The following PCDHGA2 variants were observed in gnomAD, a reference collection of about 807,000 sequenced individuals.
PCDHGA2 encodes protocadherin gamma subfamily A, 2.
A neutral mutation model predicts 59.2 loss-of-function variants in PCDHGA2; 40 were observed. The ratio of observed to expected loss-of-function variants is 0.68; its 90% CI spans 0.52 to 0.88. PCDHGA2 has a LOEUF of 0.88. Among genes scored for constraint, PCDHGA2 ranks in the 40% least tolerant of loss-of-function variants. PCDHGA2 has a pLI of 0.00. For missense variants in PCDHGA2, 1,226 were observed against 1,204.0 expected, an observed-to-expected ratio of 1.02 and a Z score of -0.27; for synonymous variants, 560 against 526.0, an observed-to-expected ratio of 1.06 and a Z score of -0.89.
At chr5:141,409,964 G>A (rs1042730924) in intron 1 of PCDHGA2, 5 of 1,613,300 alleles carry the variant, frequency 3.1e-6, no homozygotes, top group East Asian at 2.2e-5. Flanking sequence ...CGGCTACCTA[G>A]TGACTAAGGT....
intron 1 of PCDHGA2, chr5:141,393,027 A>C (rs868285753): frequency 1.2e-6 from 2 of 1,613,818 alleles, no homozygotes; most frequent in Non-Finnish European, 1.7e-6. Flanking sequence ...CAGAGGTAGG[A>C]CGCAGCTCTT....
Position 141,511,229 on chromosome 5 carries a change from T to G in PCDHGA2, c.*56T>G. 6.3e-7 allele frequency: 1 copy of G among 1,598,500 alleles called. No homozygotes were observed. Among genetic ancestry groups the G allele is most frequent in the Non-Finnish European group, 8.5e-7 (1 of 1,172,476 alleles). On this transcript the variant is annotated 3_prime_UTR_variant, in exon 4 of 4. Transcript: ENST00000394576. ...GCCTCTCCCCAACCAGCCCAGCTTC[T>G]CCTTACCTGCACCCAGGCCTCAGAG...
At chr5:141,393,886 A>G (rs944974638) in intron 1 of PCDHGA2, 3 of 1,614,034 alleles carry the variant, frequency 1.9e-6, no homozygotes, top group Admixed American at 1.7e-5. Context: ...CCAGTGTTAG[A>G]AAATTCTCTT....
chr5:141,430,639 A>T, intron 1 of PCDHGA2: 1 of 900,712 alleles, frequency 1.1e-6, no homozygotes. Flanking sequence ...CATCCCTGGG[A>T]GTATGTGGAA....
chr5:141,414,908 G>A (rs758472270), intron 1 of PCDHGA2: 19 of 1,614,188 alleles, frequency 1.2e-5, no homozygotes, highest in Non-Finnish European at 1.6e-5. Flanking sequence ...GGTTCCACAG[G>A]CGTGGAGCTG....
intron 1 of PCDHGA2, among the ~76,000 whole-genome samples, chr5:141,450,968 G>A (rs756891993): frequency 5.5e-4 from 84 of 151,848 alleles, no homozygotes; most frequent in Non-Finnish European, 9.0e-4. Context: ...GGGATTACAG[G>A]CATGTGCCAC....
intron 1 of PCDHGA2, among the ~76,000 whole-genome samples, chr5:141,430,380 TG>T (rs1376875091): frequency 6.8e-6 from 1 of 147,890 alleles, no homozygotes; most frequent in Non-Finnish European, 1.5e-5. Flanking sequence ...AAAAGCTCAT[TG>T]GGAAAAAAAA....
At position 141,339,462 on chromosome 5, in the gene PCDHGA2, A is replaced by G. The variant is rs755925827; in HGVS notation, c.491A>G (p.Glu164Gly). The G allele has an allele frequency of 6.2e-7, 1 of 1,614,220 alleles. No homozygotes were observed. Among genetic ancestry groups the G allele is most frequent in the Non-Finnish European group, 8.5e-7 (1 of 1,180,036 alleles). Residue 164 changes from glutamate to glycine, a missense_variant, in exon 1 of 4, where the codon GAG (glutamate) becomes GGG (glycine). By Grantham distance (98) the Glu-to-Gly change is moderately conservative. Coordinates refer to ENST00000394576, the MANE Select transcript of PCDHGA2 (RefSeq NM_018915.4). ...AATGCGCATGATGCAGACGTAGGTG[A>G]GAACGCCCTTCAGAAGTACGCACTC... ...LKNAHDADVG[E>G]NALQKYALNP...
chr5:141,389,791 TC>T (rs754420674), intron 1 of PCDHGA2: 1 of 1,613,408 alleles, frequency 6.2e-7, no homozygotes, highest in Non-Finnish European at 8.5e-7. Context: ...AGGGACGCCG[TC>T]CGCCAGCGCC....
intron 1 of PCDHGA2, chr5:141,413,467 G>C: frequency 1.2e-6 from 2 of 1,614,136 alleles, no homozygotes; most frequent in East Asian, 2.2e-5. Context: ...AGACCGGGAG[G>C]AGCTCTGCGC....
At chr5:141,366,701 C>T (rs1764751877) in intron 1 of PCDHGA2, 2 of 1,614,262 alleles carry the variant, frequency 1.2e-6, no homozygotes, top group Non-Finnish European at 1.7e-6. Flanking sequence ...AAGCGAGCCT[C>T]TTCTGATGTC....
At chr5:141,423,102 C>A (rs778561065) in intron 1 of PCDHGA2, 2 of 1,613,802 alleles carry the variant, frequency 1.2e-6, no homozygotes, top group Non-Finnish European at 1.7e-6. Flanking sequence ...AGCACACGGG[C>A]GAGGTGCGTA....
chr5:141,394,048 G>A (rs1285768639), intron 1 of PCDHGA2: 5 of 1,613,504 alleles, frequency 3.1e-6, no homozygotes, highest in South Asian at 1.1e-5. Context: ...TATTTGGACC[G>A]AGAAAATGTC....
At chr5:141,392,575 T>C (rs1185769260) in intron 1 of PCDHGA2, 2 of 459,466 alleles carry the variant, frequency 4.4e-6, no homozygotes, top group Non-Finnish European at 7.7e-6. Flanking sequence ...TATTTAGGAC[T>C]GTAAGCGCCG....
chr5:141,428,594 G>A (rs1317075888), intron 1 of PCDHGA2: 4 of 227,916 alleles, frequency 1.8e-5, no homozygotes, highest in African/African-American at 9.1e-5. Context: ...CTGGTAGCAA[G>A]CTTCACTGAA....
chr5:141,415,400 C>G (rs754292889), intron 1 of PCDHGA2: 3 of 1,614,110 alleles, frequency 1.9e-6, no homozygotes, highest in Non-Finnish European at 2.5e-6. Context: ...GTGTCCGGCT[C>G]GCACTTTGTG....
At chr5:141,351,578 G>T (rs758216831) in intron 1 of PCDHGA2, 12 of 1,613,878 alleles carry the variant, frequency 7.4e-6, no homozygotes, top group Non-Finnish European at 1.0e-5. Flanking sequence ...GCACATCTCC[G>T]ACATCAACGA....
At chr5:141,483,854 T>C (rs2154580004) in intron 1 of PCDHGA2, among the ~76,000 whole-genome samples, 1 of 152,236 alleles carries the variant, frequency 6.6e-6, no homozygotes, top group South Asian at 2.1e-4. Flanking sequence ...ATTAAGAAAT[T>C]TCATGTCCAG....
chr5:141,495,982 T>C (rs2099765062), intron 2 of PCDHGA2, among the ~76,000 whole-genome samples: 2 of 152,144 alleles, frequency 1.3e-5, no homozygotes. Context: ...TACTCTTTCT[T>C]TATCTCTCTT....
Sources: allele counts gnomAD v4.1 joint callset (sites outside exome capture counted in the v4.1 genomes callset), GRCh38; gene constraint gnomAD v4.1.1; transcripts MANE v1.5; gene names NCBI Gene and HGNC (gene_info 2026-07-23, HGNC 2026-07-21).